PLA2G4D: variants seen among roughly 807,000 people sequenced by gnomAD.
The protein encoded by PLA2G4D is cytosolic phospholipase A2 delta.
Under a neutral mutation model 94.4 loss-of-function variants are expected in PLA2G4D, and 80 were observed. The ratio of observed to expected loss-of-function variants is 0.85; its 90% CI spans 0.71 to 1.02. PLA2G4D has a LOEUF of 1.02. Ranked by LOEUF, PLA2G4D falls within the 50% of genes least tolerant of loss-of-function variation. The probability of loss-of-function intolerance (pLI) is 0.00; values close to 1 mark genes in which losing one functional copy is unlikely to be tolerated. For missense variants in PLA2G4D, 1,050 were observed against 1,034.7 expected (o/e 1.01, Z -0.20); for synonymous variants, 438 against 440.9 (o/e 0.99, Z 0.08).
At position 42,083,303 on chromosome 15, in the gene PLA2G4D, C is replaced by G. The variant is rs752964354; in HGVS notation, c.567G>C (p.Leu189=). 2 of 1,613,930 alleles carry G rather than the reference C, an allele frequency of 1.2e-6. No homozygotes were observed. Among genetic ancestry groups the G allele is most frequent in the African/African-American group, 2.7e-5 (2 of 74,924 alleles). Residue 189 remains leucine (L), a synonymous_variant, in exon 8 of 20, where the codon CTG becomes CTC. Coordinates refer to ENST00000290472, the MANE Select transcript of PLA2G4D (RefSeq NM_178034.4). The part of the protein sequence containing the change: ...DQDKLELELV[L]KGSYEDTQTS... ...TCTGTGTGTCCTCATAGGACCCCTT[C>G]AGCACCAGCTCCAGCTCCAGCTTGT... is the stretch of plus-strand genomic sequence containing the variant.
chr15:42,093,042 G>T (rs574981048), intron 1 of PLA2G4D, among the ~76,000 whole-genome samples: 1 of 152,192 alleles, frequency 6.6e-6, no homozygotes, highest in East Asian at 1.9e-4. Context: ...GAGTCTCCTG[G>T]ACCACACGGC....
chr15:42,071,812 A>C lies in PLA2G4D; in HGVS notation c.1535T>G (p.Met512Arg). Residue 512 changes from methionine to arginine, a missense_variant, in exon 15 of 20, where the codon ATG (methionine) becomes AGG (arginine). Met to Arg is a moderately conservative substitution (Grantham distance 91). Transcript: ENST00000290472. ...GATCCGGGGCTCCGGGATCCTCCTC[A>C]TCAGCCGTCCCATGAAGAACTCGGA... is the stretch of plus-strand genomic sequence containing the variant. ...FGSEFFMGRL[M>R]RRIPEPRICF... 1 of 1,614,112 alleles carries C rather than the reference A, an allele frequency of 6.2e-7. No homozygotes were observed. The highest frequency in any genetic ancestry group is 8.5e-7 in the Non-Finnish European group (1 of 1,179,994).
chr15:42,073,869 G>A (rs1173978325), intron 13 of PLA2G4D, among the ~76,000 whole-genome samples: 4 of 152,118 alleles, frequency 2.6e-5, no homozygotes, highest in Non-Finnish European at 2.9e-5. Context: ...CCTCCTTGCT[G>A]GCAGCTCTTC....
chr15:42,088,905 G>A (rs1430319892), intron 1 of PLA2G4D, among the ~76,000 whole-genome samples: 1 of 152,136 alleles, frequency 6.6e-6, no homozygotes, highest in Non-Finnish European at 1.5e-5. Flanking sequence ...AGCACATGAA[G>A]GCCTATGAAA....
In PLA2G4D at chr15:42,093,355, G is replaced by A. The variant is rs866710368; in HGVS notation, c.45+1060C>T. ...GAGCTAGACCTAGAGCAGGCTGAGG[G>A]AAAAGGGGAAAGGGGCACAGCCTTC... On this transcript the variant is annotated intron_variant, in intron 1 of 19. Coordinates refer to ENST00000290472, the MANE Select transcript of PLA2G4D (RefSeq NM_178034.4). 9.8e-5 allele frequency among the ~76,000 whole-genome samples: 15 copies of A among 152,320 alleles called. No homozygotes were observed. The Middle Eastern group carries it at 0.01, about 104-fold the overall frequency.
Position 42,068,070 on chromosome 15 carries a change from C to A in PLA2G4D, c.*645G>T. 1 of 152,304 alleles carries A rather than the reference C, an allele frequency of 6.6e-6. No individual in the cohort carries two copies. The highest frequency in any genetic ancestry group is 1.5e-5 in the Non-Finnish European group (1 of 68,112). The allele number at this position is 152,304 out of a possible 1,614,324, so 9.4% of individuals were successfully genotyped here. A position where few individuals can be genotyped will look rare whatever the true frequency, so the allele number is the denominator to read the frequency against. On this transcript the variant is annotated 3_prime_UTR_variant, in exon 20 of 20. Coordinates refer to ENST00000290472, the MANE Select transcript of PLA2G4D (RefSeq NM_178034.4). Reference sequence around the variant, plus strand: ...AAGAAATCCGCAAAAGTATTAGAGCCGGTAAACAACTTCAGCAAGATTGCG... The same window carrying A: ...AAGAAATCCGCAAAAGTATTAGAGCAGGTAAACAACTTCAGCAAGATTGCG...
chr15:42,083,899 C>T (rs895179525), intron 6 of PLA2G4D, 120 bp from the exon 7 acceptor site: 1 of 991,790 alleles, frequency 1.0e-6, no homozygotes, highest in Non-Finnish European at 1.5e-6. Flanking sequence ...TGTGTGGGCT[C>T]AGGATGGGAT....
At chr15:42,083,111 G>A (rs1042844267) in intron 8 of PLA2G4D, 87 bp downstream of exon 8, 1 of 1,520,404 alleles carries the variant, frequency 6.6e-7, no homozygotes, top group Non-Finnish European at 8.8e-7. Context: ...CCTTGGCCCT[G>A]GTGGGCAGGG....
At chr15:42,092,820 G>C (rs546553367) in intron 1 of PLA2G4D, among the ~76,000 whole-genome samples, 80 of 152,368 alleles carry the variant, frequency 5.3e-4, no homozygotes, top group African/African-American at 1.9e-3. Context: ...TGTGGCCCAA[G>C]AGAGCTTAAG....
intron 12 of PLA2G4D, among the ~76,000 whole-genome samples, chr15:42,079,983 A>G (rs1267021188): frequency 6.6e-6 from 1 of 152,270 alleles, no homozygotes; most frequent in Non-Finnish European, 1.5e-5. Context: ...TAGTAACCAC[A>G]TTAAAAAGAT....
At chr15:42,088,803 C>T (rs964648830) in intron 1 of PLA2G4D, among the ~76,000 whole-genome samples, 2 of 152,264 alleles carry the variant, frequency 1.3e-5, no homozygotes, top group African/African-American at 4.8e-5. Flanking sequence ...CAGGAAGGAA[C>T]ACTGCCTGTG....
At chr15:42,092,049 C>T (rs150036204) in intron 1 of PLA2G4D, among the ~76,000 whole-genome samples, 90 of 152,340 alleles carry the variant, frequency 5.9e-4, no homozygotes, top group African/African-American at 2.0e-3. Flanking sequence ...CCCCCGGGCC[C>T]AGCTGCCTTT....
At chr15:42,083,666 T>G (rs1890085810) in intron 7 of PLA2G4D, 50 bp downstream of exon 7, 1 of 1,605,192 alleles carries the variant, frequency 6.2e-7, no homozygotes. Flanking sequence ...GCAATCCTCC[T>G]CACCCCCACA....
chr15:42,068,535 G>T lies in PLA2G4D; in HGVS notation c.*180C>A, dbSNP rs1889727788. On this transcript the variant is annotated 3_prime_UTR_variant, in exon 20 of 20. Transcript: ENST00000290472. Reference sequence around the variant, plus strand: ...GTTATTTTCAACTCATCTCAAGCCAGCCATGAACGTAAGAGAGAAGTCTGT... The same window carrying T: ...GTTATTTTCAACTCATCTCAAGCCATCCATGAACGTAAGAGAGAAGTCTGT... 3.2e-6 allele frequency: 2 copies of T among 621,640 alleles called. No homozygotes were observed. Among genetic ancestry groups the T allele is most frequent in the Admixed American group, 3.0e-5 (1 of 33,764 alleles). 38.5% of individuals were successfully genotyped at this position (621,640 alleles called of 1,614,324 possible). A position where few individuals can be genotyped will look rare whatever the true frequency, so the allele number is the denominator to read the frequency against.
rs1889806247 is a variant in PLA2G4D, at chr15:42,071,223, G to A, written c.1776C>T (p.Phe592=). ...GCTGGTGGAGGGGCCTGCCTGTCAGGAAGCCTTTAAATGCCTGGGCCAGCG... is the reference window on the plus strand; with the variant it reads ...GCTGGTGGAGGGGCCTGCCTGTCAGAAAGCCTTTAAATGCCTGGGCCAGCG... ...GTALAQAFKG[F]LTGRPLHQRS... is the part of the protein sequence containing the mutation. Residue 592 remains phenylalanine, a synonymous_variant, in exon 17 of 20, where the codon TTC becomes TTT. Coordinates refer to ENST00000290472, the MANE Select transcript of PLA2G4D (RefSeq NM_178034.4). 8 of 1,613,210 alleles carry A rather than the reference G, an allele frequency of 5.0e-6. No individual in the cohort carries two copies. The highest frequency in any genetic ancestry group is 5.1e-6 in the Non-Finnish European group (6 of 1,179,764).
rs749705875 is a variant in PLA2G4D, at chr15:42,083,352, G to A, written c.536-18C>T. ...GTCCTGATCTAGGGAGAGAGTAGGC[G>A]GGTTAGCATGAGAACAAGAGCCCGG... On this transcript the variant is annotated intron_variant, in intron 7 of 19. Coordinates refer to ENST00000290472, the MANE Select transcript of PLA2G4D (RefSeq NM_178034.4). 61 of 1,605,662 alleles carry A rather than the reference G, an allele frequency of 3.8e-5. No homozygotes were observed. The highest frequency in any genetic ancestry group is 1.7e-4 in the Middle Eastern group (1 of 6,042).
chr15:42,079,286 C>T (rs1313247646), intron 13 of PLA2G4D, among the ~76,000 whole-genome samples: 1 of 152,234 alleles, frequency 6.6e-6, no homozygotes, highest in African/African-American at 2.4e-5. Context: ...AAAACAAAAG[C>T]TTTGTTTGCT....
chr15:42,085,391 G>C, intron 5 of PLA2G4D, 100 bp downstream of exon 5: 1 of 1,368,456 alleles, frequency 7.3e-7, no homozygotes. Context: ...AGGAGATGAG[G>C]GACAGTCAGG....
rs556715569 is a variant in PLA2G4D at position 42,083,688 on chromosome 15, T to C, written c.535+28A>G. 3.1e-6 allele frequency: 5 copies of C among 1,612,238 alleles called. No individual in the cohort carries two copies. In the African/African-American group the frequency reaches 6.7e-5, roughly 21 times the overall value. ...TCCTCACCCCCACATCCAGGCAGAG[T>C]CCAGGCCTGGTTCTAAGCTGGTCTC... On this transcript the variant is annotated intron_variant, in intron 7 of 19. Coordinates refer to ENST00000290472, the MANE Select transcript of PLA2G4D (RefSeq NM_178034.4).
Sources: gnomAD v4.1 joint callset for allele counts (sites outside exome capture counted in the v4.1 genomes callset) on GRCh38, gnomAD v4.1.1 for gene constraint, MANE v1.5 for transcripts, NCBI Gene and HGNC (gene_info 2026-07-23, HGNC 2026-07-21) for gene names.